LCTL: variants seen among roughly 807,000 people sequenced by gnomAD.
The protein encoded by LCTL is lactase like, also known as lactase-like protein.
A neutral mutation model predicts 75.8 loss-of-function variants in LCTL; 76 were observed. That is an observed-to-expected ratio of 1.00 (90% CI 0.83 to 1.21). The LOEUF (loss-of-function observed/expected upper bound fraction) is 1.21. LCTL is among the 50% of genes most tolerant of loss of function. The pLI, the probability that LCTL is intolerant of heterozygous loss-of-function variation, is 0.00. For synonymous variants in LCTL, 271 were observed against 268.8 expected, an observed-to-expected ratio of 1.01 and a Z score of -0.08; for missense variants, 670 against 712.4, an observed-to-expected ratio of 0.94 and a Z score of 0.68.
chr15:66,553,709 C>T (rs564946498), intron 8 of LCTL, among the ~76,000 whole-genome samples: 2 of 147,608 alleles, frequency 1.4e-5, no homozygotes, highest in African/African-American at 2.5e-5. Context: ...GAGCCAAGAT[C>T]GTGCCACTGC....
rs1396146318 is a variant in LCTL at position 66,561,064 on chromosome 15, G to A, written c.647C>T (p.Ala216Val). 5.0e-6 allele frequency: 8 copies of A among 1,614,152 alleles called. No individual in the cohort carries two copies. Among genetic ancestry groups the A allele is most frequent in the Admixed American group, 3.3e-5 (2 of 60,010 alleles). The change falls in exon 6 of 13, where the codon GCG becomes GTG. Residue 216 changes from alanine (A) to valine (V), a missense_variant. By Grantham distance (64) the Ala-to-Val change is moderately conservative (BLOSUM62 0). Transcript: ENST00000341509. The stretch of plus-strand genomic sequence containing the variant: ...GGTGCCGCGGAGCTTCAGGCCCGGC[G>A]CATGGTGGCCCGTCTCATAGCCTTT...
chr15:66,564,577 A>T, intron 2 of LCTL, 99 bp downstream of exon 3: 1 of 1,346,834 alleles, frequency 7.4e-7, no homozygotes, highest in Non-Finnish European at 1.0e-6. Flanking sequence ...CATTGTCATC[A>T]GAGCTCCCCC....
At chr15:66,555,633 A>G (rs1296822440) in intron 8 of LCTL, among the ~76,000 whole-genome samples, 1 of 152,212 alleles carries the variant, frequency 6.6e-6, no homozygotes, top group African/African-American at 2.4e-5. Context: ...TCTGACGCCA[A>G]AATCACAGGC....
At chr15:66,551,345 CAAAAAAAAA>C (rs67322943) in intron 11 of LCTL, among the ~76,000 whole-genome samples, 3 of 50,534 alleles carry the variant, frequency 5.9e-5, no homozygotes, top group Admixed American at 2.7e-4. Flanking sequence ...GATTCTGTCT[CAAAAAAAAA>C]AAAAAAAAAA....
At chr15:66,553,709 C>A (rs564946498) in intron 8 of LCTL, among the ~76,000 whole-genome samples, 1 of 147,608 alleles carries the variant, frequency 6.8e-6, no homozygotes, top group African/African-American at 2.5e-5. Context: ...GAGCCAAGAT[C>A]GTGCCACTGC....
chr15:66,547,894 C>G (rs1364944712), exon 13 of LCTL: 1 of 152,738 alleles, frequency 6.5e-6, no homozygotes, highest in Non-Finnish European at 1.5e-5. Flanking sequence ...TCAAGCGATT[C>G]TCCTGCCTCA....
intron 12 of LCTL, 184 bp downstream of exon 13, chr15:66,549,857 A>ATT: frequency 2.2e-6 from 1 of 456,508 alleles, no homozygotes; most frequent in South Asian, 4.7e-5. Flanking sequence ...CTTTCATGGT[A>ATT]GATTAAATGC....
intron 11 of LCTL, among the ~76,000 whole-genome samples, chr15:66,550,605 G>A (rs1895562609): frequency 6.6e-6 from 1 of 152,030 alleles, no homozygotes; most frequent in Admixed American, 6.6e-5. Flanking sequence ...CTCAGTCTCT[G>A]TAGTCAGCTG....
chr15:66,552,262 C>G (rs1895626161), intron 9 of LCTL, 93 bp from the exon 11 acceptor site: 1 of 978,848 alleles, frequency 1.0e-6, no homozygotes, highest in South Asian at 1.7e-5. Context: ...CATATTCAAG[C>G]CTGCCACATT....
intron 6 of LCTL, among the ~76,000 whole-genome samples, chr15:66,560,216 G>A (rs1419477652): frequency 6.6e-6 from 1 of 152,130 alleles, no homozygotes; most frequent in Non-Finnish European, 1.5e-5. Flanking sequence ...TCACCCAGTG[G>A]TTCCTTGCCT....
At chr15:66,555,575 C>T (rs1392380250) in intron 8 of LCTL, among the ~76,000 whole-genome samples, 1 of 151,866 alleles carries the variant, frequency 6.6e-6, no homozygotes, top group Admixed American at 6.6e-5. Context: ...AAAAAGAAAA[C>T]ATAGAGCAAA....
At chr15:66,562,970 T>C (rs1895928536) in intron 4 of LCTL, among the ~76,000 whole-genome samples, 1 of 152,092 alleles carries the variant, frequency 6.6e-6, no homozygotes, top group Non-Finnish European at 1.5e-5. Flanking sequence ...GGATTCACTC[T>C]TTTCACTTAC....
At chr15:66,550,392 C>T (rs1289314224) in intron 11 of LCTL, among the ~76,000 whole-genome samples, 1 of 152,164 alleles carries the variant, frequency 6.6e-6, no homozygotes, top group Admixed American at 6.5e-5. Context: ...TCACTGCTTC[C>T]ATTTAATAGT....
At chr15:66,565,190 C>G in intron 1 of LCTL, 58 bp downstream of exon 2, 1 of 1,165,528 alleles carries the variant, frequency 8.6e-7, no homozygotes, top group Non-Finnish European at 1.3e-6. Flanking sequence ...GTCAAGTCAG[C>G]CAAAGTGGGC....
At position 66,557,746 on chromosome 15, in the gene LCTL, G is replaced by A. The variant is rs754191158; in HGVS notation, c.898C>T (p.Pro300Ser). The A allele has an allele frequency of 2.5e-6, 4 of 1,614,064 alleles. 1 individual carries two copies. The South Asian group carries it at 4.4e-5, about 18-fold the overall frequency. Residue 300 changes from proline to serine, a missense_variant, in exon 8 of 13, where the codon CCC becomes TCC. Transcript: ENST00000341509. ...CCAATGTAGTCCTTCATGACTTGGGGGTAGTCACCGGCATAAATGGGGTTG... is the reference window on the plus strand; with the variant it reads ...CCAATGTAGTCCTTCATGACTTGGGAGTAGTCACCGGCATAAATGGGGTTG...
chr15:66,551,727 G>A lies in LCTL; in HGVS notation c.1459C>T (p.Pro487Ser), dbSNP rs778707939. The change falls in exon 11 of 13, where the codon CCA becomes TCA. Residue 487 changes from proline (P) to serine (S), a missense_variant. Pro to Ser is a moderately conservative substitution (Grantham distance 74, BLOSUM62 -1). Coordinates refer to ENST00000341509, the Ensembl canonical transcript of LCTL. ...TTGTAATATTGAACTGAAGCCTTTG[G>A]ATAGCGAGGCTTATTTCTGTCGTTA... The A allele has an allele frequency of 2.5e-5, 40 of 1,613,854 alleles. No homozygotes were observed. In the African/African-American group the frequency reaches 4.1e-4, roughly 17 times the overall value.
chr15:66,552,401 TGGCTC>T (rs1895629221), intron 9 of LCTL, among the ~76,000 whole-genome samples: 1 of 152,188 alleles, frequency 6.6e-6, no homozygotes, highest in South Asian at 2.1e-4. Context: ...CCAGGCGCGG[TGGCTC>T]ACGCCTGTAA....
At chr15:66,555,672 A>G (rs1895724394) in intron 8 of LCTL, among the ~76,000 whole-genome samples, 1 of 152,234 alleles carries the variant, frequency 6.6e-6, no homozygotes, top group Non-Finnish European at 1.5e-5. Context: ...AAGCAAACAT[A>G]AATAGACAAA....
rs915753521 is a variant in LCTL, at chr15:66,552,855, A to G, written c.1197+129T>C. ...TGAGTCTGTAAGGCCTACATTTAGT[A>G]GCCTCTGAAGTATGAGTAACTAGGT... On this transcript the variant is annotated intron_variant, in intron 9 of 12. Transcript: ENST00000341509. 4 of 763,480 alleles carry G rather than the reference A, an allele frequency of 5.2e-6. No homozygotes were observed. The South Asian group carries it at 1.1e-4, about 21-fold the overall frequency. The allele number at this position is 763,480 out of a possible 1,614,324, so 47.3% of individuals were successfully genotyped here.
Sources: gnomAD v4.1 joint callset for allele counts (sites outside exome capture counted in the v4.1 genomes callset) on GRCh38, gnomAD v4.1.1 for gene constraint, MANE v1.5 for transcripts, NCBI Gene and HGNC (gene_info 2026-07-23, HGNC 2026-07-21) for gene names.